The following LYST variants were observed in gnomAD, a reference collection of about 807,000 sequenced individuals.
LYST encodes lysosomal-trafficking regulator.
Under a neutral mutation model 413.6 loss-of-function variants are expected in LYST, and 192 were observed. The observed-to-expected ratio is 0.46, with a 90% CI of 0.41 to 0.52. The LOEUF is 0.52. Among genes scored for constraint, LYST ranks in the 20% least tolerant of loss-of-function variants. LYST has a pLI of 0.00. For synonymous variants in LYST, 1,525 were observed against 1,567.3 expected (o/e 0.97, Z 0.64); for missense variants, 3,815 against 4,499.9 (o/e 0.85, Z 4.35).
chr1:235,713,308 T>G, intron 42 of LYST: 1 of 578,398 alleles, frequency 1.7e-6, no homozygotes. Context: ...AAGGTAATTC[T>G]CAAAAACAAA....
At chr1:235,869,233 G>C (rs958856026), upstream of LYST, among the ~76,000 whole-genome samples, 2 of 152,184 alleles carry the variant, frequency 1.3e-5, no homozygotes, top group African/African-American at 4.8e-5. Context: ...AGCACTTTGG[G>C]AGGCCGAGGC....
intron 50 of LYST, among the ~76,000 whole-genome samples, chr1:235,669,496 A>G (rs1343754123): frequency 6.6e-6 from 1 of 152,216 alleles, no homozygotes; most frequent in Non-Finnish European, 1.5e-5. Flanking sequence ...TTCATTTGCA[A>G]CTTTGTAACT....
At chr1:235,749,131 T>C (rs1225312163) in intron 28 of LYST, among the ~76,000 whole-genome samples, 1 of 152,186 alleles carries the variant, frequency 6.6e-6, no homozygotes. Flanking sequence ...TTTAGTATCA[T>C]GGACAAATGG....
intron 1 of LYST, among the ~76,000 whole-genome samples, chr1:235,882,075 CTTT>C (rs1681400991): frequency 1.4e-5 from 2 of 139,548 alleles, no homozygotes; most frequent in East Asian, 2.6e-4. Context: ...CACACTCTTT[CTTT>C]CACACACACA....
At chr1:235,819,727 G>C (rs1373674206) in intron 3 of LYST, among the ~76,000 whole-genome samples, 1 of 152,144 alleles carries the variant, frequency 6.6e-6, no homozygotes, top group African/African-American at 2.4e-5. Context: ...CTCACTGCAA[G>C]CTCTGCCTCC....
At chr1:235,868,096 T>A (rs1377383203), upstream of LYST, among the ~76,000 whole-genome samples, 1 of 152,220 alleles carries the variant, frequency 6.6e-6, no homozygotes, top group East Asian at 1.9e-4. Context: ...TGACGTCTGA[T>A]GTTTAACCAT....
At chr1:235,698,535 G>GT (rs34381644) in intron 45 of LYST, among the ~76,000 whole-genome samples, 1 of 152,146 alleles carries the variant, frequency 6.6e-6, no homozygotes, top group African/African-American at 2.4e-5. Flanking sequence ...GTCTAACAGT[G>GT]TTTTTTTGTG....
intron 47 of LYST, among the ~76,000 whole-genome samples, chr1:235,692,104 G>A (rs527296133): frequency 1.5e-3 from 223 of 151,062 alleles, no homozygotes; most frequent in Admixed American, 2.4e-3. Flanking sequence ...AGGCTGAGGC[G>A]GGAGAATCAC....
At chr1:235,830,486 A>C (rs897331285) in intron 2 of LYST, 62 bp from the exon 3 acceptor site, 1 of 1,300,472 alleles carries the variant, frequency 7.7e-7, no homozygotes, top group Non-Finnish European at 1.1e-6. Context: ...TACTTTTAAA[A>C]CTATGTGTTT....
intron 38 of LYST, among the ~76,000 whole-genome samples, chr1:235,724,487 C>T (rs1297878886): frequency 6.6e-6 from 1 of 152,202 alleles, no homozygotes; most frequent in Non-Finnish European, 1.5e-5. Flanking sequence ...ATTATTAAAT[C>T]TTGCATTTGG....
chr1:235,678,220 C>T (rs1022151014), intron 48 of LYST, among the ~76,000 whole-genome samples: 3 of 152,002 alleles, frequency 2.0e-5, no homozygotes, highest in East Asian at 1.9e-4. Flanking sequence ...TTTGGGAGGC[C>T]GAGGCAGGCA....
chr1:235,737,952 CG>C, intron 31 of LYST: 6 of 1,253,448 alleles, frequency 4.8e-6, no homozygotes, highest in South Asian at 5.4e-5. Flanking sequence ...CAACACCCGC[CG>C]GACGTGCATT....
At chr1:235,812,551 A>T (rs990871622) in intron 4 of LYST, among the ~76,000 whole-genome samples, 55 of 152,062 alleles carry the variant, frequency 3.6e-4, no homozygotes, top group African/African-American at 1.3e-3. Flanking sequence ...CACTAGAAAA[A>T]CTAAGCTAAA....
chr1:235,800,507 A>T, intron 9 of LYST, 121 bp from the exon 10 acceptor site: 1 of 649,306 alleles, frequency 1.5e-6, no homozygotes, highest in Non-Finnish European at 2.7e-6. Context: ...GTATTTAAAA[A>T]TGACTAAAAA....
chr1:235,751,860 T>C (rs1666526083), intron 27 of LYST, 145 bp downstream of exon 27: 2 of 669,420 alleles, frequency 3.0e-6, no homozygotes, highest in Admixed American at 6.1e-5. Flanking sequence ...TTTTTAGGCT[T>C]CTTTTTAAAA....
chr1:235,873,250 C>A (rs1196108416), intron 1 of LYST, among the ~76,000 whole-genome samples: 1 of 152,176 alleles, frequency 6.6e-6, no homozygotes. Context: ...ACTGAAATTT[C>A]CCCTCTCCTG....
chr1:235,736,824 T>C (rs1187606617), intron 31 of LYST: 1 of 143,958 alleles, frequency 6.9e-6, no homozygotes, highest in Non-Finnish European at 1.5e-5. Flanking sequence ...CATGTATACA[T>C]AGATTTGCTT....
intron 14 of LYST, among the ~76,000 whole-genome samples, 164 bp from the exon 15 acceptor site, chr1:235,782,251 C>T (rs1669947875): frequency 6.6e-6 from 1 of 151,232 alleles, no homozygotes. Flanking sequence ...TCACTGCAAG[C>T]TCCGCCTCCT....
intron 22 of LYST, among the ~76,000 whole-genome samples, chr1:235,761,983 G>T: frequency 8.5e-6 from 1 of 118,342 alleles, no homozygotes; most frequent in African/African-American, 3.1e-5. Flanking sequence ...TCGGGTGGGG[G>T]GAGGGGGGAG....
Sources: allele counts gnomAD v4.1 joint callset (sites outside exome capture counted in the v4.1 genomes callset), GRCh38; gene constraint gnomAD v4.1.1; transcripts MANE v1.5; gene names NCBI Gene and HGNC (gene_info 2026-07-23, HGNC 2026-07-21).